The following MTF2 variants were observed in gnomAD, a reference collection of about 807,000 sequenced individuals.
MTF2 encodes the protein metal-response element-binding transcription factor 2.
Under a neutral mutation model 79.5 loss-of-function variants are expected in MTF2, and 11 were observed. That is an observed-to-expected ratio of 0.14 (90% CI 0.09 to 0.23). The LOEUF (loss-of-function observed/expected upper bound fraction) is 0.23, where lower values mean the gene tolerates loss of function less well. Among genes scored for constraint, MTF2 ranks in the 10% least tolerant of loss-of-function variants. The pLI is 1.00. For synonymous variants in MTF2, 208 were observed against 232.8 expected (o/e 0.89, Z 0.97); for missense variants, 486 against 711.2 (o/e 0.68, Z 3.60).
Position 93,136,963 on chromosome 1 carries a change from G to T in MTF2, c.1718G>T (p.Arg573Leu), listed in dbSNP as rs777697964. 6.2e-7 allele frequency: 1 copy of T among 1,613,938 alleles called. No individual in the cohort carries two copies. Residue 573 changes from arginine (R) to leucine (L), a missense_variant, in exon 15 of 15, where the codon CGT (arginine) becomes CTT (leucine). Physicochemically the swap from Arg to Leu is moderately radical, Grantham distance 102. Coordinates refer to ENST00000370298, the MANE Select transcript of MTF2 (RefSeq NM_007358.4). ...ACGEKYRVLA[R>L]RVTLDGKVQY... ...GGCGAAAAATACCGAGTTTTGGCAC[G>T]TCGGGTGACACTTGATGGAAAGGTG...
chr1:93,095,099 A>T (rs1461880253), intron 1 of MTF2, among the ~76,000 whole-genome samples: 1 of 152,064 alleles, frequency 6.6e-6, no homozygotes, highest in Non-Finnish European at 1.5e-5. Context: ...CTGCCATTAT[A>T]GCTCACTGCT....
At chr1:93,084,196 G>GT (rs1654738859) in intron 1 of MTF2, among the ~76,000 whole-genome samples, 1 of 151,918 alleles carries the variant, frequency 6.6e-6, no homozygotes, top group African/African-American at 2.4e-5. Context: ...CAACTTCAGT[G>GT]TTTTGCATGT....
At chr1:93,080,718 A>G (rs933011143) in intron 1 of MTF2, among the ~76,000 whole-genome samples, 1 of 151,338 alleles carries the variant, frequency 6.6e-6, no homozygotes, top group African/African-American at 2.4e-5. Flanking sequence ...TACCTAGCCT[A>G]CAAGCTGGTT....
At chr1:93,105,755 A>T (rs1655751705) in intron 1 of MTF2, among the ~76,000 whole-genome samples, 1 of 151,740 alleles carries the variant, frequency 6.6e-6, no homozygotes, top group African/African-American at 2.4e-5. Context: ...GGCTCACTGC[A>T]ACCTCCACCT....
At chr1:93,086,564 G>A (rs186271856) in intron 1 of MTF2, among the ~76,000 whole-genome samples, 14 of 151,568 alleles carry the variant, frequency 9.2e-5, no homozygotes, top group Non-Finnish European at 1.8e-4. Flanking sequence ...ATGTATGAAT[G>A]CCTTGGGTGG....
chr1:93,101,528 T>C (rs1320111819), intron 1 of MTF2, among the ~76,000 whole-genome samples: 1 of 145,248 alleles, frequency 6.9e-6, no homozygotes, highest in Non-Finnish European at 1.5e-5. Flanking sequence ...TTTTTAAAAA[T>C]TTTCTGTAGG....
At chr1:93,117,951 G>A (rs1656317176) in intron 6 of MTF2, among the ~76,000 whole-genome samples, 1 of 152,100 alleles carries the variant, frequency 6.6e-6, no homozygotes, top group African/African-American at 2.4e-5. Flanking sequence ...CTTGAACTGG[G>A]AGGTTGAGGC....
At chr1:93,102,724 TGA>T (rs1655597232) in intron 1 of MTF2, among the ~76,000 whole-genome samples, 1 of 152,052 alleles carries the variant, frequency 6.6e-6, no homozygotes, top group Non-Finnish European at 1.5e-5. Context: ...GAAGGTGTGG[TGA>T]GAGTGTGAGT....
chr1:93,120,331 C>A (rs192713825), intron 8 of MTF2: 27 of 235,700 alleles, frequency 1.1e-4, no homozygotes, highest in East Asian at 9.0e-4. Context: ...AGAAGTAATT[C>A]ATATATCTTC....
chr1:93,115,009 C>T lies in MTF2; in HGVS notation c.404C>T (p.Thr135Ile). 1 of 1,607,550 alleles carries T rather than the reference C, an allele frequency of 6.2e-7. No individual in the cohort carries two copies. The highest frequency in any genetic ancestry group is 8.5e-7 in the Non-Finnish European group (1 of 1,175,420). The change falls in exon 5 of 15, where the codon ACA becomes ATA. Residue 135 changes from threonine to isoleucine, a missense_variant. Coordinates refer to ENST00000370298, the MANE Select transcript of MTF2 (RefSeq NM_007358.4). ...TAAGGATATCATCAGTTGTGTCACA[C>T]ACCTCATATTGATTCCAGTGTGATT... ...CGQGYHQLCH[T>I]PHIDSSVIDS...
intron 9 of MTF2, chr1:93,121,488 G>A (rs1656475913): frequency 1.0e-6 from 1 of 983,584 alleles, no homozygotes; most frequent in Non-Finnish European, 1.2e-6. Context: ...ACACTGATTT[G>A]AAGTTTAGGA....
chr1:93,085,399 G>T (rs797594), intron 1 of MTF2, among the ~76,000 whole-genome samples: 119,892 of 150,666 alleles, frequency 0.8, 50,740 homozygotes, highest in East Asian at 0.93. Context: ...GGATGGTCTC[G>T]ATCTCCTGAC....
intron 1 of MTF2, chr1:93,080,818 T>A (rs2101007155): frequency 6.6e-6 from 1 of 152,006 alleles, no homozygotes; most frequent in Admixed American, 6.6e-5. Context: ...GTAGAAGTAG[T>A]TAATGTGGAT....
intron 1 of MTF2, among the ~76,000 whole-genome samples, chr1:93,095,089 C>A (rs1655229642): frequency 6.6e-6 from 1 of 152,074 alleles, no homozygotes; most frequent in Admixed American, 6.6e-5. Context: ...ATATAGCTCA[C>A]TGCCATTATA....
intron 1 of MTF2, among the ~76,000 whole-genome samples, chr1:93,109,016 A>G (rs925612270): frequency 4.6e-5 from 7 of 152,270 alleles, no homozygotes; most frequent in African/African-American, 1.7e-4. Flanking sequence ...ATTTTTAGAT[A>G]TTGAAGTTAG....
At chr1:93,096,476 G>T (rs1655291660) in intron 1 of MTF2, among the ~76,000 whole-genome samples, 1 of 151,270 alleles carries the variant, frequency 6.6e-6, no homozygotes, top group Admixed American at 6.6e-5. Context: ...AATTTTATTA[G>T]TTTTTTCAGA....
intron 1 of MTF2, among the ~76,000 whole-genome samples, chr1:93,089,831 A>G (rs1654996238): frequency 7.1e-6 from 1 of 141,150 alleles, no homozygotes; most frequent in Non-Finnish European, 1.5e-5. Flanking sequence ...CCTCCCCAGT[A>G]TTAATAGCTT....
chr1:93,106,136 A>G (rs1244055155), intron 1 of MTF2, among the ~76,000 whole-genome samples: 3 of 152,182 alleles, frequency 2.0e-5, no homozygotes, highest in Admixed American at 2.0e-4. Context: ...CATTTGAGAC[A>G]CAGCACACCA....
chr1:93,088,927 GT>G (rs1315280091), intron 1 of MTF2, among the ~76,000 whole-genome samples: 7 of 151,988 alleles, frequency 4.6e-5, no homozygotes, highest in South Asian at 2.1e-4. Context: ...GTTTATAAAA[GT>G]TTTTTTGTGA....
Sources: allele counts gnomAD v4.1 joint callset (sites outside exome capture counted in the v4.1 genomes callset), GRCh38; gene constraint gnomAD v4.1.1; transcripts MANE v1.5; gene names NCBI Gene and HGNC (gene_info 2026-07-23, HGNC 2026-07-21).